IL15: variants seen among roughly 807,000 people sequenced by gnomAD.
The protein encoded by IL15 is interleukin-15.
IL15 carries 11 observed loss-of-function variants against 19.6 expected under a neutral mutation model. The observed-to-expected ratio is 0.56, with a 90% CI of 0.35 to 0.93. The LOEUF (loss-of-function observed/expected upper bound fraction) is 0.93. Among genes scored for constraint, IL15 ranks in the 40% least tolerant of loss-of-function variants. The pLI is 0.01. For missense variants in IL15, 197 were observed against 186.5 expected (o/e 1.06, Z -0.33); for synonymous variants, 58 against 59.6 (o/e 0.97, Z 0.12).
intron 2 of IL15, among the ~76,000 whole-genome samples, chr4:141,678,306 C>T (rs1187843386): frequency 6.6e-6 from 1 of 152,092 alleles, no homozygotes; most frequent in African/African-American, 2.4e-5. Flanking sequence ...TTCTGCTTAC[C>T]TTATGAACGT....
intron 1 of IL15, among the ~76,000 whole-genome samples, chr4:141,639,394 T>C (rs1247563649): frequency 6.6e-6 from 1 of 152,228 alleles, no homozygotes; most frequent in Admixed American, 6.5e-5. Flanking sequence ...ATCTTTATAA[T>C]CAAATAATAT....
At chr4:141,716,459 C>T (rs1729886894) in intron 2 of IL15, 1 of 152,168 alleles carries the variant, frequency 6.6e-6, no homozygotes, top group Non-Finnish European at 1.5e-5. Context: ...GGTGGTAAGC[C>T]TTGGTGAAAT....
chr4:141,691,150 A>G (rs566790068), intron 2 of IL15, among the ~76,000 whole-genome samples: 17 of 12,912 alleles, frequency 1.3e-3, no homozygotes, highest in African/African-American at 8.8e-3. Flanking sequence ...GAGCGATAGA[A>G]CATGCAGGAG....
At chr4:141,719,522 A>G in intron 3 of IL15, 46 bp downstream of exon 3, 1 of 1,351,350 alleles carries the variant, frequency 7.4e-7, no homozygotes, top group Non-Finnish European at 1.0e-6. Flanking sequence ...TTTCCCTTAA[A>G]GGTCGTCTGA....
chr4:141,726,417 T>C (rs1730266381), intron 5 of IL15, among the ~76,000 whole-genome samples: 1 of 152,134 alleles, frequency 6.6e-6, no homozygotes, highest in Non-Finnish European at 1.5e-5. Context: ...ATAGTGATGA[T>C]GCTAAGTAAA....
At chr4:141,682,409 G>C (rs1420360022) in intron 2 of IL15, among the ~76,000 whole-genome samples, 1 of 152,102 alleles carries the variant, frequency 6.6e-6, no homozygotes, top group East Asian at 1.9e-4. Context: ...TTTACCTAGA[G>C]TTACATAAAC....
At chr4:141,648,413 C>T (rs1248206782) in intron 1 of IL15, among the ~76,000 whole-genome samples, 3 of 152,046 alleles carry the variant, frequency 2.0e-5, no homozygotes, top group Non-Finnish European at 4.4e-5. Flanking sequence ...ACATCTTATT[C>T]TCTAAATTCC....
intron 2 of IL15, among the ~76,000 whole-genome samples, chr4:141,657,101 C>T (rs1727634169): frequency 6.6e-6 from 1 of 152,118 alleles, no homozygotes; most frequent in South Asian, 2.1e-4. Flanking sequence ...CCAGTTGGTT[C>T]TAAGCTACAA....
intron 1 of IL15, among the ~76,000 whole-genome samples, chr4:141,647,094 A>C (rs900239600): frequency 1.3e-5 from 2 of 152,124 alleles, no homozygotes; most frequent in Non-Finnish European, 2.9e-5. Context: ...CTATTTATTC[A>C]TTGAATTGAT....
At chr4:141,708,406 A>G (rs1337833183) in intron 2 of IL15, among the ~76,000 whole-genome samples, 1 of 152,140 alleles carries the variant, frequency 6.6e-6, no homozygotes, top group African/African-American at 2.4e-5. Flanking sequence ...TTAAGAAGCC[A>G]TTGAGCTCTA....
At chr4:141,653,961 A>G (rs1344497234) in intron 1 of IL15, among the ~76,000 whole-genome samples, 1 of 152,230 alleles carries the variant, frequency 6.6e-6, no homozygotes, top group East Asian at 1.9e-4. Flanking sequence ...ATTAAAAGAA[A>G]TCTTGCAATA....
intron 1 of IL15, among the ~76,000 whole-genome samples, chr4:141,651,572 A>G (rs529721378): frequency 6.6e-6 from 1 of 152,212 alleles, no homozygotes; most frequent in South Asian, 2.1e-4. Flanking sequence ...TGTATGCCTT[A>G]CATTTTATTT....
At chr4:141,682,595 C>T (rs1560916474) in intron 2 of IL15, among the ~76,000 whole-genome samples, 2 of 152,138 alleles carry the variant, frequency 1.3e-5, no homozygotes, top group African/African-American at 4.8e-5. Flanking sequence ...CTCTCAGTGG[C>T]ACATGAACAC....
chr4:141,711,809 G>T (rs1027014257), intron 2 of IL15, among the ~76,000 whole-genome samples: 1 of 151,918 alleles, frequency 6.6e-6, no homozygotes, highest in Non-Finnish European at 1.5e-5. Flanking sequence ...TCTAAGATGT[G>T]CTATGAAAGA....
At chr4:141,689,201 C>CAAAGAGCA (rs1480975771) in intron 2 of IL15, among the ~76,000 whole-genome samples, 1 of 152,110 alleles carries the variant, frequency 6.6e-6, no homozygotes, top group African/African-American at 2.4e-5. Context: ...AGATTAATTG[C>CAAAGAGCA]AAAGAGCAAA....
chr4:141,709,051 A>AT (rs1729620872), intron 2 of IL15, among the ~76,000 whole-genome samples: 1 of 116,648 alleles, frequency 8.6e-6, no homozygotes, highest in South Asian at 2.8e-4. Flanking sequence ...TCAATATTGA[A>AT]AATTTTCAAT....
intron 2 of IL15, among the ~76,000 whole-genome samples, chr4:141,662,400 CT>C (rs1727823005): frequency 6.6e-6 from 1 of 152,180 alleles, no homozygotes; most frequent in Non-Finnish European, 1.5e-5. Flanking sequence ...GTAGTTTGAC[CT>C]TTTCATAGTT....
At chr4:141,683,464 G>A (rs1341390938) in intron 2 of IL15, among the ~76,000 whole-genome samples, 1 of 151,276 alleles carries the variant, frequency 6.6e-6, no homozygotes, top group East Asian at 1.9e-4. Flanking sequence ...CCAGATACTC[G>A]GAAGGCTGAG....
intron 2 of IL15, among the ~76,000 whole-genome samples, chr4:141,693,406 A>G (rs1728989588): frequency 2.6e-5 from 4 of 152,196 alleles, no homozygotes; most frequent in Admixed American, 2.6e-4. Context: ...ATAAATTCCT[A>G]AAGGACAGGA....
Sources: gnomAD v4.1 joint callset for allele counts (sites outside exome capture counted in the v4.1 genomes callset) on GRCh38, gnomAD v4.1.1 for gene constraint, MANE v1.5 for transcripts, NCBI Gene and HGNC (gene_info 2026-07-23, HGNC 2026-07-21) for gene names.